The following CAST variants were observed in gnomAD, a reference collection of about 807,000 sequenced individuals.
The protein encoded by CAST is MIR583 host.
A neutral mutation model predicts 119.6 loss-of-function variants in CAST; 76 were observed. That is an observed-to-expected ratio of 0.64 (90% CI 0.53 to 0.77). CAST has a LOEUF of 0.77. Among genes scored for constraint, CAST ranks in the 30% least tolerant of loss-of-function variants. The pLI, the probability that CAST is intolerant of heterozygous loss-of-function variation, is 0.00. For synonymous variants in CAST, 319 were observed against 331.6 expected, an observed-to-expected ratio of 0.96 and a Z score of 0.41; for missense variants, 953 against 946.5, an observed-to-expected ratio of 1.01 and a Z score of -0.09.
At chr5:96,188,697 T>A in the CAST span, among the ~76,000 whole-genome samples, 1 of 152,198 alleles carries the variant, frequency 6.6e-6, no homozygotes, top group East Asian at 1.9e-4. Context: ...CTGAAAATGT[T>A]ATTAAATTTT....
the CAST span, among the ~76,000 whole-genome samples, chr5:96,246,648 T>G: frequency 6.6e-6 from 1 of 152,188 alleles, no homozygotes; most frequent in Non-Finnish European, 1.5e-5. Flanking sequence ...AAGAGAGTAA[T>G]TGGAAGCAAG....
chr5:96,113,304 T>C, the CAST span, among the ~76,000 whole-genome samples: 1 of 152,198 alleles, frequency 6.6e-6, no homozygotes, highest in African/African-American at 2.4e-5. Context: ...GTCTATTTTA[T>C]AGAGAGTGGG....
intron 1 of CAST, among the ~76,000 whole-genome samples, chr5:96,608,726 T>C (rs985443076): frequency 6.6e-6 from 1 of 152,168 alleles, no homozygotes; most frequent in African/African-American, 2.4e-5. Context: ...TGGCTCATGG[T>C]TCTGCAGGCT....
intron 1 of CAST, among the ~76,000 whole-genome samples, chr5:96,636,146 G>T (rs1188824641): frequency 1.3e-5 from 2 of 152,162 alleles, no homozygotes; most frequent in African/African-American, 4.8e-5. Flanking sequence ...CACTGAGTTT[G>T]CTCCATAGTA....
At chr5:95,994,967 G>A in the CAST span, among the ~76,000 whole-genome samples, 1 of 152,216 alleles carries the variant, frequency 6.6e-6, no homozygotes, top group African/African-American at 2.4e-5. Flanking sequence ...AAACTTTTAA[G>A]AAGTTAGAAA....
chr5:96,210,979 G>A, the CAST span, among the ~76,000 whole-genome samples: 1 of 151,882 alleles, frequency 6.6e-6, no homozygotes, highest in East Asian at 1.9e-4. Flanking sequence ...TTCATTGCTA[G>A]TATAATGAAA....
the CAST span, among the ~76,000 whole-genome samples, chr5:96,489,277 G>T: frequency 6.6e-6 from 1 of 152,206 alleles, no homozygotes; most frequent in African/African-American, 2.4e-5. Context: ...AATTGAGGCA[G>T]ATCAAAGGAT....
At chr5:96,733,996 A>G (rs867604925) in intron 9 of CAST, among the ~76,000 whole-genome samples, 3 of 152,198 alleles carry the variant, frequency 2.0e-5, no homozygotes, top group African/African-American at 7.2e-5. Context: ...CTGTATTTCA[A>G]TCAGATGAAG....
chr5:96,210,688 TAGAA>T, the CAST span, among the ~76,000 whole-genome samples: 1 of 152,066 alleles, frequency 6.6e-6, no homozygotes, highest in Non-Finnish European at 1.5e-5. Context: ...ATATAAATGT[TAGAA>T]AGATGTTGCC....
chr5:96,063,060 T>C, the CAST span, among the ~76,000 whole-genome samples: 1 of 152,124 alleles, frequency 6.6e-6, no homozygotes, highest in African/African-American at 2.4e-5. Flanking sequence ...AGAATCTTGG[T>C]AGACTTCCCC....
At chr5:96,523,424 G>A (rs1745548478), upstream of CAST, among the ~76,000 whole-genome samples, 1 of 152,166 alleles carries the variant, frequency 6.6e-6, no homozygotes, top group African/African-American at 2.4e-5. Flanking sequence ...TCAAGTTTTG[G>A]AAATAAGCTA....
intron 3 of CAST, among the ~76,000 whole-genome samples, chr5:96,720,010 A>G (rs765551085): frequency 1.3e-5 from 2 of 152,124 alleles, no homozygotes; most frequent in Non-Finnish European, 2.9e-5. Flanking sequence ...CTTTGTAGCA[A>G]ATAATTGTTG....
chr5:96,597,159 A>G (rs1439065093), intron 1 of CAST, among the ~76,000 whole-genome samples: 1 of 152,204 alleles, frequency 6.6e-6, no homozygotes, highest in Non-Finnish European at 1.5e-5. Flanking sequence ...GACCTCATAT[A>G]TTTCATTGTT....
At chr5:96,242,822 A>T in the CAST span, among the ~76,000 whole-genome samples, 1 of 152,214 alleles carries the variant, frequency 6.6e-6, no homozygotes, top group South Asian at 2.1e-4. Context: ...ACCATAAAAG[A>T]TGGTCAAAAA....
At chr5:96,221,513 C>A in the CAST span, among the ~76,000 whole-genome samples, 1 of 151,920 alleles carries the variant, frequency 6.6e-6, no homozygotes, top group East Asian at 1.9e-4. Context: ...TTTACAACAG[C>A]TGACAAAAAA....
intron 1 of CAST, among the ~76,000 whole-genome samples, chr5:96,646,968 A>G (rs1436215045): frequency 6.6e-6 from 1 of 152,192 alleles, no homozygotes; most frequent in African/African-American, 2.4e-5. Context: ...GGACTACCAA[A>G]TGAAAAGTTG....
At chr5:96,187,279 A>AT in the CAST span, among the ~76,000 whole-genome samples, 18 of 151,046 alleles carry the variant, frequency 1.2e-4, no homozygotes, top group African/African-American at 3.9e-4. Flanking sequence ...TATTCTATTA[A>AT]TTTTTTTAAA....
chr5:95,967,480 C>T, the CAST span, among the ~76,000 whole-genome samples: 17 of 151,936 alleles, frequency 1.1e-4, no homozygotes, highest in Non-Finnish European at 2.5e-4. Flanking sequence ...GCTGTGTCCA[C>T]ACCCAAATCT....
Position 96,770,648 on chromosome 5 carries a change from C to A in CAST, c.2340+46C>A. 3.2e-6 allele frequency: 4 copies of A among 1,244,110 alleles called. 1 individual carries two copies. In the South Asian group the frequency reaches 3.6e-5, roughly 11 times the overall value. The allele number at this position is 1,244,110 out of a possible 1,614,324, so 77.1% of individuals were successfully genotyped here. On this transcript the variant is annotated intron_variant, in intron 30 of 31. Coordinates refer to ENST00000675179, the MANE Select transcript of CAST (RefSeq NM_001750.7). ...ACTACAAATTAGTTTAGCAGTTACA[C>A]AGAGTAGGGTTTATCATTTCAGTCA...
Sources: allele counts gnomAD v4.1 joint callset (sites outside exome capture counted in the v4.1 genomes callset), GRCh38; gene constraint gnomAD v4.1.1; transcripts MANE v1.5; gene names NCBI Gene and HGNC (gene_info 2026-07-23, HGNC 2026-07-21).